The following GABRA5 variants were observed in gnomAD, a reference collection of about 807,000 sequenced individuals.
The protein encoded by GABRA5 is gamma-aminobutyric acid type A receptor subunit alpha5.
A neutral mutation model predicts 47.3 loss-of-function variants in GABRA5; 18 were observed. The observed-to-expected ratio is 0.38, with a 90% confidence interval of 0.26 to 0.56. The LOEUF (loss-of-function observed/expected upper bound fraction) is 0.56. Ranked by LOEUF, GABRA5 falls within the 20% of genes least tolerant of loss-of-function variation. GABRA5 has a pLI of 0.71. For missense variants in GABRA5, 365 were observed against 599.3 expected, an observed-to-expected ratio of 0.61 and a Z score of 4.08; for synonymous variants, 237 against 229.3, an observed-to-expected ratio of 1.03 and a Z score of -0.30.
intron 7 of GABRA5, among the ~76,000 whole-genome samples, chr15:26,922,277 G>C (rs1893861122): frequency 6.6e-6 from 1 of 151,870 alleles, no homozygotes; most frequent in South Asian, 2.1e-4. Context: ...TGTATTATTT[G>C]GTGCATACAC....
chr15:26,891,042 C>T (rs1892993627), intron 6 of GABRA5, among the ~76,000 whole-genome samples: 1 of 152,338 alleles, frequency 6.6e-6, no homozygotes. Context: ...TTTCAACACA[C>T]ATTTCTTGCA....
chr15:26,888,117 C>A (rs573161111), intron 6 of GABRA5, among the ~76,000 whole-genome samples: 5 of 152,280 alleles, frequency 3.3e-5, no homozygotes, highest in African/African-American at 1.2e-4. Flanking sequence ...CTGTTTGCTC[C>A]CCAAATGTCT....
At chr15:26,924,270 G>C (rs1358488385) in intron 7 of GABRA5, among the ~76,000 whole-genome samples, 1 of 150,658 alleles carries the variant, frequency 6.6e-6, no homozygotes, top group Non-Finnish European at 1.5e-5. Flanking sequence ...TGATACAAGA[G>C]TTCCTGGGAT....
intron 6 of GABRA5, among the ~76,000 whole-genome samples, chr15:26,908,603 A>G (rs1274026368): frequency 6.6e-6 from 1 of 152,210 alleles, no homozygotes; most frequent in Non-Finnish European, 1.5e-5. Context: ...GACTAGACAA[A>G]GATCATGATG....
intron 6 of GABRA5, among the ~76,000 whole-genome samples, chr15:26,910,598 A>T (rs1039298562): frequency 0.012 from 32 of 2,612 alleles, no homozygotes; most frequent in Non-Finnish European, 0.029. Context: ...AGACTCCATC[A>T]AAAAAAAAAA....
intron 6 of GABRA5, among the ~76,000 whole-genome samples, chr15:26,888,119 C>T (rs1892923223): frequency 6.6e-6 from 1 of 152,142 alleles, no homozygotes; most frequent in South Asian, 2.1e-4. Flanking sequence ...GTTTGCTCCC[C>T]AAATGTCTGG....
At chr15:26,946,419 T>A (rs778065773) in intron 10 of GABRA5, among the ~76,000 whole-genome samples, 1 of 137,562 alleles carries the variant, frequency 7.3e-6, no homozygotes, top group South Asian at 2.4e-4. Flanking sequence ...AATACACCCA[T>A]CCTCAATTTA....
intron 6 of GABRA5, among the ~76,000 whole-genome samples, chr15:26,901,394 T>C (rs1223405060): frequency 1.3e-5 from 2 of 152,222 alleles, no homozygotes; most frequent in Non-Finnish European, 2.9e-5. Context: ...CTTTAATTTG[T>C]GTTTTTCTGA....
At chr15:26,934,501 A>G (rs1288567079) in intron 7 of GABRA5, among the ~76,000 whole-genome samples, 1 of 152,208 alleles carries the variant, frequency 6.6e-6, no homozygotes, top group East Asian at 1.9e-4. Context: ...TAAAGTAGAA[A>G]GACCTTTTCG....
intron 3 of GABRA5, among the ~76,000 whole-genome samples, chr15:26,878,261 C>T (rs2140249686): frequency 6.6e-6 from 1 of 152,354 alleles, no homozygotes; most frequent in East Asian, 1.9e-4. Context: ...AGCAGCAGTT[C>T]TTAAAGATCA....
intron 3 of GABRA5, among the ~76,000 whole-genome samples, chr15:26,877,191 C>T: frequency 6.6e-6 from 1 of 152,188 alleles, no homozygotes; most frequent in Non-Finnish European, 1.5e-5. Context: ...TGGTGCCTGT[C>T]CATGTTTTCC....
chr15:26,887,085 G>T (rs1282348457), intron 6 of GABRA5, among the ~76,000 whole-genome samples: 1 of 152,166 alleles, frequency 6.6e-6, no homozygotes, highest in Admixed American at 6.5e-5. Flanking sequence ...AAAGCCAATG[G>T]TATACTTTGA....
At chr15:26,895,163 G>A (rs1387070089) in intron 6 of GABRA5, among the ~76,000 whole-genome samples, 1 of 151,842 alleles carries the variant, frequency 6.6e-6, no homozygotes, top group African/African-American at 2.4e-5. Flanking sequence ...CGCCCACCAC[G>A]TCCTGACCCC....
chr15:26,894,050 G>T (rs1033371972), intron 6 of GABRA5, among the ~76,000 whole-genome samples: 1 of 102,520 alleles, frequency 9.8e-6, no homozygotes, highest in African/African-American at 3.4e-5. Flanking sequence ...CTCTCCGCGC[G>T]CCCCCTGTGC....
chr15:26,948,007 T>G lies in GABRA5; in HGVS notation c.1163T>G (p.Ile388Ser), dbSNP rs760767172. 6.2e-7 allele frequency: 1 copy of G among 1,601,442 alleles called. No individual in the cohort carries two copies. The highest frequency in any genetic ancestry group is 8.5e-7 in the Non-Finnish European group (1 of 1,173,496). The change falls in exon 11 of 11, where the codon ATT (isoleucine) becomes AGT (serine). Residue 388 changes from isoleucine to serine, a missense_variant. Physicochemically the swap from Ile to Ser is moderately radical, Grantham distance 142. This residue lies in a region of GABRA5 where 106 missense variants were observed against 130.3 expected (regional missense o/e 0.81). Coordinates refer to ENST00000335625, the MANE Select transcript of GABRA5 (RefSeq NM_000810.4). ...GGGAAGATGTCTCACCCCCCAAACA[T>G]TCCGAAGGAACAGACCCCAGCAGGG... Reference protein sequence around the residue: ...TTGKMSHPPNIPKEQTPAGTS... With the variant: ...TTGKMSHPPNSPKEQTPAGTS...
At chr15:26,918,058 C>T (rs1872791641) in intron 7 of GABRA5, among the ~76,000 whole-genome samples, 1 of 151,720 alleles carries the variant, frequency 6.6e-6, no homozygotes. Flanking sequence ...TATTTCTGCT[C>T]TAATATTTAT....
intron 6 of GABRA5, among the ~76,000 whole-genome samples, chr15:26,895,162 C>T (rs1595406833): frequency 1.3e-5 from 2 of 152,096 alleles, no homozygotes; most frequent in African/African-American, 4.8e-5. Context: ...TCGCCCACCA[C>T]GTCCTGACCC....
At chr15:26,890,294 C>A (rs1035991264) in intron 6 of GABRA5, among the ~76,000 whole-genome samples, 1 of 152,126 alleles carries the variant, frequency 6.6e-6, no homozygotes, top group Admixed American at 6.5e-5. Flanking sequence ...CCACCTATTA[C>A]TTCCTCTCTG....
intron 3 of GABRA5, among the ~76,000 whole-genome samples, chr15:26,872,313 C>G (rs1036907263): frequency 6.6e-6 from 1 of 152,144 alleles, no homozygotes; most frequent in African/African-American, 2.4e-5. Context: ...AGCTGAGCAC[C>G]GTTAGCCCAT....
Sources: allele counts gnomAD v4.1 joint callset (sites outside exome capture counted in the v4.1 genomes callset), GRCh38; gene constraint gnomAD v4.1.1; regional missense constraint gnomAD v4.1.1; transcripts MANE v1.5; gene names NCBI Gene and HGNC (gene_info 2026-07-23, HGNC 2026-07-21).